The following FRAS1 variants were observed in gnomAD, a reference collection of about 807,000 sequenced individuals.
FRAS1 encodes Fraser extracellular matrix complex subunit 1, also known as extracellular matrix organizing protein FRAS1.
FRAS1 carries 290 observed loss-of-function variants against 435.2 expected under a neutral mutation model. That is an observed-to-expected ratio of 0.67 (90% CI 0.61 to 0.73). The LOEUF is 0.73. Among genes scored for constraint, FRAS1 ranks in the 30% least tolerant of loss-of-function variants. The pLI is 0.00. For synonymous variants in FRAS1, 1,800 were observed against 1,851.0 expected (o/e 0.97, Z 0.71); for missense variants, 4,860 against 5,001.5 (o/e 0.97, Z 0.85).
intron 2 of FRAS1, among the ~76,000 whole-genome samples, chr4:78,079,697 T>C (rs1023384462): frequency 1.3e-5 from 2 of 152,134 alleles, no homozygotes; most frequent in African/African-American, 4.8e-5. Flanking sequence ...AAATGGCTAA[T>C]ATTCCAAGAG....
intron 26 of FRAS1, among the ~76,000 whole-genome samples, chr4:78,377,207 A>G (rs376030571): frequency 1.3e-5 from 2 of 152,234 alleles, no homozygotes; most frequent in South Asian, 2.1e-4. Context: ...AACATGAGGC[A>G]TTTTTTAACA....
chr4:78,355,673 A>G (rs1055254398), intron 20 of FRAS1, among the ~76,000 whole-genome samples: 2 of 152,144 alleles, frequency 1.3e-5, no homozygotes, highest in Admixed American at 6.6e-5. Flanking sequence ...TTGGAAATTC[A>G]ATTCCCTTAT....
At chr4:78,537,282 T>C (rs760936239) in intron 72 of FRAS1, 82 bp downstream of exon 72, 49 of 1,254,294 alleles carry the variant, frequency 3.9e-5, no homozygotes, top group Non-Finnish European at 5.2e-5. Flanking sequence ...CTAAAGTAGA[T>C]AGAGCTCACT....
rs1238418748 is a variant in FRAS1, at chr4:78,133,966, G to GT, written c.108+67961dup. Among the ~76,000 whole-genome samples, 323 of 93,884 alleles carry GT rather than the reference G, an allele frequency of 3.4e-3. 2 individuals carry two copies. Among genetic ancestry groups the GT allele is most frequent in the South Asian group, 5.6e-3 (21 of 3,748 alleles). 61.6% of individuals were successfully genotyped at this position (93,884 alleles called of 152,430 possible). On this transcript the variant is annotated intron_variant, in intron 2 of 73. Transcript: ENST00000512123. ...GAGATGGACTAGGTTTTTTTTTTTT[G>GT]TTTTTTTTTTTGAGATGGACTCTCG...
chr4:78,198,928 A>T (rs1722937121), intron 2 of FRAS1, among the ~76,000 whole-genome samples: 1 of 152,248 alleles, frequency 6.6e-6, no homozygotes. Flanking sequence ...AACATGTGTT[A>T]ATTGACTGTT....
chr4:78,477,145 C>T (rs1359586841), intron 54 of FRAS1, among the ~76,000 whole-genome samples: 1 of 151,986 alleles, frequency 6.6e-6, no homozygotes, highest in Non-Finnish European at 1.5e-5. Flanking sequence ...ATTAGTCTAC[C>T]TTGTTTATAA....
chr4:78,167,735 G>A (rs982410683), intron 2 of FRAS1, among the ~76,000 whole-genome samples: 2 of 151,966 alleles, frequency 1.3e-5, no homozygotes, highest in Non-Finnish European at 2.9e-5. Context: ...TGACTCAGCT[G>A]GGCTTTGAAC....
At chr4:78,281,853 C>T (rs1363170270) in intron 11 of FRAS1, among the ~76,000 whole-genome samples, 1 of 152,180 alleles carries the variant, frequency 6.6e-6, no homozygotes, top group African/African-American at 2.4e-5. Context: ...AGGTTGTCTA[C>T]AGGACAATGT....
chr4:78,255,487 C>T, intron 6 of FRAS1, 112 bp downstream of exon 6: 1 of 1,151,370 alleles, frequency 8.7e-7, no homozygotes, highest in Non-Finnish European at 1.2e-6. Context: ...GAAGCAAAGC[C>T]CTTTTTGTTT....
At chr4:78,289,653 T>G (rs1727788472) in intron 14 of FRAS1, among the ~76,000 whole-genome samples, 1 of 152,168 alleles carries the variant, frequency 6.6e-6, no homozygotes, top group Admixed American at 6.5e-5. Flanking sequence ...ACATCCCCTC[T>G]TGCCCATCCT....
chr4:78,215,264 C>G (rs1289669022), intron 2 of FRAS1, among the ~76,000 whole-genome samples: 1 of 152,054 alleles, frequency 6.6e-6, no homozygotes, highest in Non-Finnish European at 1.5e-5. Flanking sequence ...GGTGTGATCT[C>G]TGCTCTCTGC....
chr4:78,452,396 C>CCAATA, intron 47 of FRAS1, 42 bp downstream of exon 47: 1 of 1,490,922 alleles, frequency 6.7e-7, no homozygotes, highest in African/African-American at 1.4e-5. Flanking sequence ...AAAACTTAGA[C>CCAATA]CTTAGTAAGT....
At chr4:78,238,086 G>A (rs2110115596) in intron 3 of FRAS1, among the ~76,000 whole-genome samples, 1 of 152,210 alleles carries the variant, frequency 6.6e-6, no homozygotes, top group African/African-American at 2.4e-5. Flanking sequence ...TTGAAAGTCA[G>A]AACTGACTTA....
At chr4:78,197,871 G>A (rs981109009) in intron 2 of FRAS1, among the ~76,000 whole-genome samples, 2 of 152,074 alleles carry the variant, frequency 1.3e-5, no homozygotes, top group Non-Finnish European at 2.9e-5. Context: ...AACCCAGGAG[G>A]TGGAGCTTGC....
At chr4:78,210,973 A>C (rs1723479229) in intron 2 of FRAS1, among the ~76,000 whole-genome samples, 1 of 152,136 alleles carries the variant, frequency 6.6e-6, no homozygotes, top group Non-Finnish European at 1.5e-5. Context: ...AGGTGTGAGC[A>C]TTCTCCTCCT....
intron 2 of FRAS1, among the ~76,000 whole-genome samples, chr4:78,136,305 G>C (rs1719917586): frequency 6.6e-6 from 1 of 152,168 alleles, no homozygotes; most frequent in African/African-American, 2.4e-5. Context: ...TGCCTTGTTT[G>C]ACCTCTGCTG....
At chr4:78,273,421 G>A (rs896011487) in intron 9 of FRAS1, among the ~76,000 whole-genome samples, 9 of 152,134 alleles carry the variant, frequency 5.9e-5, no homozygotes, top group Non-Finnish European at 1.3e-4. Flanking sequence ...TCCAGTTTTT[G>A]CCCATTCAGT....
At chr4:78,420,920 A>T (rs948038243) in intron 33 of FRAS1, among the ~76,000 whole-genome samples, 3 of 120,946 alleles carry the variant, frequency 2.5e-5, no homozygotes, top group Non-Finnish European at 5.1e-5. Context: ...ATATATATAT[A>T]TTTATATAAA....
chr4:78,271,998 A>G (rs1396984792), intron 9 of FRAS1, among the ~76,000 whole-genome samples: 1 of 152,206 alleles, frequency 6.6e-6, no homozygotes, highest in Non-Finnish European at 1.5e-5. Flanking sequence ...CTTTTTAAAG[A>G]TTGCCATTCT....
Sources: gnomAD v4.1 joint callset for allele counts (sites outside exome capture counted in the v4.1 genomes callset) on GRCh38, gnomAD v4.1.1 for gene constraint, MANE v1.5 for transcripts, NCBI Gene and HGNC (gene_info 2026-07-23, HGNC 2026-07-21) for gene names.